The following VAV2 variants were observed in gnomAD, a reference collection of about 807,000 sequenced individuals.
VAV2 encodes guanine nucleotide exchange factor VAV2.
VAV2 carries 67 observed loss-of-function variants against 132.5 expected under a neutral mutation model. The observed-to-expected ratio is 0.51, with a 90% CI of 0.42 to 0.62. VAV2 has a LOEUF of 0.62. Ranked by LOEUF, VAV2 falls within the 20% of genes least tolerant of loss-of-function variation. The pLI, the probability that VAV2 is intolerant of heterozygous loss-of-function variation, is 0.00. For missense variants in VAV2, 938 were observed against 1,153.6 expected (o/e 0.81, Z 2.71); for synonymous variants, 492 against 443.5 (o/e 1.11, Z -1.37).
chr9:133,976,831 C>T (rs1035855012), intron 1 of VAV2, among the ~76,000 whole-genome samples: 4 of 152,192 alleles, frequency 2.6e-5, no homozygotes, highest in African/African-American at 7.2e-5. Flanking sequence ...GTGTGGATCC[C>T]CCATTCATCC....
In VAV2 at chr9:133,884,519, CCCACCCAGGCCAGCCTCT is replaced by C. The variant is rs1215611610; in HGVS notation, c.322-23105_322-23088del. ...TCCGCAAGCACTCAACAGATGCTGGCCCACCCAGGCCAGCCTCTCCACCCAGGCCAGCCTCTCCACCCA... is the reference window on the plus strand; with the variant it reads ...TCCGCAAGCACTCAACAGATGCTGGCCCACCCAGGCCAGCCTCTCCACCCA... On this transcript the variant is annotated intron_variant, in intron 2 of 29. Coordinates refer to ENST00000371850, the MANE Select transcript of VAV2 (RefSeq NM_001134398.2). The surrounding 1 kb of genome is among the most constrained non-coding windows in gnomAD (Gnocchi z 5.3). 2.0e-3 allele frequency among the ~76,000 whole-genome samples: 307 copies of C among 152,158 alleles called. No individual in the cohort carries two copies. The highest frequency in any genetic ancestry group is 6.8e-3 in the Middle Eastern group (2 of 294).
At chr9:133,940,672 C>CGTGCGTGTGTGT (rs1554814232) in intron 1 of VAV2, among the ~76,000 whole-genome samples, 1 of 139,240 alleles carries the variant, frequency 7.2e-6, no homozygotes, top group Admixed American at 7.3e-5. Flanking sequence ...TGTCCACGTG[C>CGTGCGTGTGTGT]GTGTGTGTGT....
At chr9:133,770,814 T>A (rs1833595794) in intron 26 of VAV2, among the ~76,000 whole-genome samples, 1 of 152,208 alleles carries the variant, frequency 6.6e-6, no homozygotes, top group Admixed American at 6.5e-5. Context: ...GGTAAGCTTC[T>A]AGAAATAACA....
intron 1 of VAV2, among the ~76,000 whole-genome samples, chr9:133,972,037 G>T (rs1842352770): frequency 6.6e-6 from 1 of 152,118 alleles, no homozygotes; most frequent in African/African-American, 2.4e-5. Flanking sequence ...ACACAGCGCG[G>T]ATGCAGACCA....
intron 1 of VAV2, among the ~76,000 whole-genome samples, chr9:133,956,188 G>GGA (rs779443489): frequency 6.6e-6 from 1 of 152,074 alleles, no homozygotes; most frequent in African/African-American, 2.4e-5. Context: ...TGGTTCACAG[G>GGA]GAGAGAGGGA....
chr9:133,925,554 T>G (rs1194886730), intron 2 of VAV2, among the ~76,000 whole-genome samples: 1 of 152,168 alleles, frequency 6.6e-6, no homozygotes, highest in Non-Finnish European at 1.5e-5. Context: ...ATCAAAAGGA[T>G]CACCCAGGGC....
chr9:133,785,830 A>G lies in VAV2; in HGVS notation c.1478T>C (p.Phe493Ser). Residue 493 changes from phenylalanine (F) to serine (S), a missense_variant, in exon 17 of 30, where the codon TTC (phenylalanine) becomes TCC (serine). Transcript: ENST00000371850. ...CCTCTTCATATCTTCTGTTTTGCAG[A>G]AAAACTGGAAGCCCTGCTTTCCTTG... ...HLQGKQGFQFFCKTEDMKRKW... is the reference protein window; with the variant it reads ...HLQGKQGFQFSCKTEDMKRKW... The G allele has an allele frequency of 6.2e-7, 1 of 1,614,070 alleles. No individual in the cohort carries two copies. Among genetic ancestry groups the G allele is most frequent in the Non-Finnish European group, 8.5e-7 (1 of 1,180,014 alleles).
intron 1 of VAV2, among the ~76,000 whole-genome samples, chr9:133,980,523 G>A (rs1842659614): frequency 6.6e-6 from 1 of 152,204 alleles, no homozygotes; most frequent in African/African-American, 2.4e-5. Flanking sequence ...TGACACCGCA[G>A]AGGCTGATCA....
chr9:133,819,999 G>C (rs1199661569), intron 4 of VAV2, among the ~76,000 whole-genome samples: 1 of 152,184 alleles, frequency 6.6e-6, no homozygotes, highest in Admixed American at 6.5e-5. Flanking sequence ...GATGTAATGG[G>C]TTTAACCAGT....
chr9:133,834,376 C>T lies in VAV2; in HGVS notation c.381-36G>A, dbSNP rs1410586439. The T allele has an allele frequency of 1.3e-6, 2 of 1,599,558 alleles. No homozygotes were observed. The highest frequency in any genetic ancestry group is 1.7e-6 in the Non-Finnish European group (2 of 1,172,480). Reference sequence around the variant, plus strand: ...GAAGGCGAGAGGGAGGTGAGCAGGTCCCGGCACTGCCGGCCAGTGGGACCC... The same window carrying T: ...GAAGGCGAGAGGGAGGTGAGCAGGTTCCGGCACTGCCGGCCAGTGGGACCC... On this transcript the variant is annotated intron_variant, in intron 3 of 29. Transcript: ENST00000371850. This position sits in a 1 kb window ranked among gnomAD's most constrained non-coding sequence, Gnocchi z 5.9.
chr9:133,815,893 A>G (rs914487435), intron 4 of VAV2, among the ~76,000 whole-genome samples: 4 of 152,082 alleles, frequency 2.6e-5, no homozygotes, highest in Admixed American at 2.6e-4. Context: ...GGAGGTCTAG[A>G]CTCAACCTCA....
At chr9:133,869,306 C>T (rs568976091) in intron 2 of VAV2, among the ~76,000 whole-genome samples, 1 of 152,252 alleles carries the variant, frequency 6.6e-6, no homozygotes, top group East Asian at 1.9e-4. Context: ...TAAACAACGA[C>T]AACAACAAAG....
At position 133,971,813 on chromosome 9, in the gene VAV2, A is replaced by C. The variant is rs554143811; in HGVS notation, c.204+20262T>G. Among the ~76,000 whole-genome samples the C allele has an allele frequency of 2.7e-3, 408 of 152,278 alleles. 1 individual carries two copies. The highest frequency in any genetic ancestry group is 9.2e-3 in the African/African-American group (381 of 41,556). On this transcript the variant is annotated intron_variant, in intron 1 of 29. Coordinates refer to ENST00000371850, the MANE Select transcript of VAV2 (RefSeq NM_001134398.2). ...CCTGAATCACAATGGGGAGGCGGCC[A>C]GGGCTTCCCCCAACAGAAAGGGCAA...
At chr9:133,976,624 C>A (rs1842521039) in intron 1 of VAV2, among the ~76,000 whole-genome samples, 1 of 152,220 alleles carries the variant, frequency 6.6e-6, no homozygotes, top group African/African-American at 2.4e-5. Context: ...GCAAACAGAC[C>A]CCCAAGCCCC....
chr9:133,937,210 G>A (rs576512284), intron 2 of VAV2, among the ~76,000 whole-genome samples: 146 of 152,272 alleles, frequency 9.6e-4, no homozygotes, highest in South Asian at 2.1e-3. Context: ...GTGTGTGTGT[G>A]AATGTGTGTG....
At chr9:133,971,660 G>T (rs1842338243) in intron 1 of VAV2, among the ~76,000 whole-genome samples, 1 of 152,224 alleles carries the variant, frequency 6.6e-6, no homozygotes, top group African/African-American at 2.4e-5. Context: ...GAAGGGTCAA[G>T]GCCAGCGTGG....
chr9:133,953,222 G>A (rs1178352512), intron 1 of VAV2, among the ~76,000 whole-genome samples: 2 of 152,120 alleles, frequency 1.3e-5, no homozygotes, highest in East Asian at 1.9e-4. Context: ...GCTGCTGCTG[G>A]AAGGCGCTGG....
Position 133,826,867 on chromosome 9 carries a change from C to T in VAV2, c.449+7405G>A, listed in dbSNP as rs1836009021. ...GGGGACTGGGGTGTGCAGCCTACTT[C>T]ACAGACAGGCAAGGGCAACCCTGCC... On this transcript the variant is annotated intron_variant, in intron 4 of 29. Transcript: ENST00000371850. This position sits in a 1 kb window ranked among gnomAD's most constrained non-coding sequence, Gnocchi z 4.2. Among the ~76,000 whole-genome samples the T allele has an allele frequency of 6.6e-6, 1 of 152,182 alleles. No homozygotes were observed. The highest frequency in any genetic ancestry group is 2.4e-5 in the African/African-American group (1 of 41,442).
chr9:133,988,998 A>G (rs1256744860), intron 1 of VAV2, among the ~76,000 whole-genome samples: 1 of 151,434 alleles, frequency 6.6e-6, no homozygotes, highest in Non-Finnish European at 1.5e-5. Context: ...GATCACAAGG[A>G]CAGGAGTTCG....
Sources: gnomAD v4.1 joint callset for allele counts (sites outside exome capture counted in the v4.1 genomes callset) on GRCh38, gnomAD v4.1.1 for gene constraint, Gnocchi (gnomAD v3.1) non-coding constraint, MANE v1.5 for transcripts, NCBI Gene and HGNC (gene_info 2026-07-23, HGNC 2026-07-21) for gene names.